The following NEGR1 variants were observed in gnomAD, a reference collection of about 807,000 sequenced individuals.
NEGR1 encodes neuronal growth regulator 1, also known as IgLON family member 4.
A neutral mutation model predicts 40.9 loss-of-function variants in NEGR1; 10 were observed. The ratio of observed to expected loss-of-function variants is 0.24; its 90% CI spans 0.15 to 0.42. NEGR1 has a LOEUF of 0.42. Among genes scored for constraint, NEGR1 ranks in the 10% least tolerant of loss-of-function variants. NEGR1 has a pLI of 1.00. For missense variants in NEGR1, 352 were observed against 438.9 expected, an observed-to-expected ratio of 0.80 and a Z score of 1.77; for synonymous variants, 185 against 166.8, an observed-to-expected ratio of 1.11 and a Z score of -0.84.
At chr1:71,821,450 G>T (rs1253760172) in intron 2 of NEGR1, among the ~76,000 whole-genome samples, 4 of 151,878 alleles carry the variant, frequency 2.6e-5, no homozygotes, top group African/African-American at 2.4e-5. Flanking sequence ...TGTCCTAGCG[G>T]GTATTTGCAT....
At chr1:71,695,208 T>C (rs1486554049) in intron 4 of NEGR1, among the ~76,000 whole-genome samples, 1 of 151,818 alleles carries the variant, frequency 6.6e-6, no homozygotes, top group African/African-American at 2.4e-5. Flanking sequence ...ATATCAGTTA[T>C]ATATGTGTGG....
rs528504220 is a variant in NEGR1 at position 71,415,630 on chromosome 1, C to T, written c.941-8060G>A. On this transcript the variant is annotated intron_variant, in intron 6 of 6. Transcript: ENST00000357731. ...CAATCATCCAAATATAAACAAATAC[C>T]GCTATCTTTTATTATCCTTCCTAGT... 7.9e-5 allele frequency among the ~76,000 whole-genome samples: 12 copies of T among 152,116 alleles called. 1 individual carries two copies. In the South Asian group the frequency reaches 1.9e-3, roughly 24 times the overall value.
At chr1:71,895,774 G>T (rs1660953990) in intron 2 of NEGR1, among the ~76,000 whole-genome samples, 2 of 152,058 alleles carry the variant, frequency 1.3e-5, no homozygotes, top group Admixed American at 1.3e-4. Context: ...ACAACTTTTT[G>T]TGTGAACATA....
intron 1 of NEGR1, among the ~76,000 whole-genome samples, chr1:72,019,264 T>A (rs1646736874): frequency 1.3e-5 from 2 of 152,194 alleles, no homozygotes; most frequent in Admixed American, 1.3e-4. Flanking sequence ...AATAGTCTAT[T>A]CAGAGTTCTG....
intron 1 of NEGR1, among the ~76,000 whole-genome samples, chr1:72,280,264 G>A (rs1018098238): frequency 6.6e-6 from 1 of 152,148 alleles, no homozygotes; most frequent in Non-Finnish European, 1.5e-5. Flanking sequence ...GCAGAATGTG[G>A]GTCCAGCTAT....
chr1:71,919,058 T>C (rs1193446288), intron 2 of NEGR1, among the ~76,000 whole-genome samples: 3 of 152,174 alleles, frequency 2.0e-5, no homozygotes, highest in African/African-American at 4.8e-5. Context: ...GTGCTCACAT[T>C]CACAAGTTGA....
intron 3 of NEGR1, among the ~76,000 whole-genome samples, chr1:71,724,970 AG>A (rs1654625604): frequency 6.6e-6 from 1 of 152,076 alleles, no homozygotes; most frequent in African/African-American, 2.4e-5. Context: ...ACTCTCTCAA[AG>A]CAGTAAGGTG....
rs1316157857 is a variant in NEGR1, at chr1:71,399,384, G to T, written c.*8062C>A. On this transcript the variant is annotated 3_prime_UTR_variant, in exon 7 of 7. Coordinates refer to ENST00000357731, the MANE Select transcript of NEGR1 (RefSeq NM_173808.3). ...TATCAACAAGAAAAATGTATTACAAGAAATTAATTTATTCCAAATTTTTTT... is the reference window on the plus strand; with the variant it reads ...TATCAACAAGAAAAATGTATTACAATAAATTAATTTATTCCAAATTTTTTT... 2.6e-5 allele frequency: 4 copies of T among 151,884 alleles called. No homozygotes were observed. The highest frequency in any genetic ancestry group is 7.3e-5 in the African/African-American group (3 of 41,374). The allele number at this position is 151,884 out of a possible 1,614,324, so 9.4% of individuals were successfully genotyped here. A position where few individuals can be genotyped will look rare whatever the true frequency, so the allele number is the denominator to read the frequency against.
At chr1:72,047,387 A>G (rs549288794) in intron 1 of NEGR1, among the ~76,000 whole-genome samples, 1 of 151,706 alleles carries the variant, frequency 6.6e-6, no homozygotes, top group Middle Eastern at 3.4e-3. Context: ...TTTAATGAGT[A>G]ACTATGCTAG....
intron 6 of NEGR1, among the ~76,000 whole-genome samples, chr1:71,473,999 G>A (rs1211779711): frequency 6.6e-6 from 1 of 151,920 alleles, no homozygotes; most frequent in African/African-American, 2.4e-5. Flanking sequence ...CATTAATAAA[G>A]TTTGGCACTG....
intron 2 of NEGR1, among the ~76,000 whole-genome samples, chr1:71,816,859 C>A (rs545844072): frequency 3.3e-5 from 5 of 152,042 alleles, no homozygotes; most frequent in South Asian, 4.1e-4. Flanking sequence ...TGTATTACAT[C>A]CCTTATGGCC....
chr1:72,143,114 T>G (rs1246798205), intron 1 of NEGR1, among the ~76,000 whole-genome samples: 1 of 151,958 alleles, frequency 6.6e-6, no homozygotes, highest in Non-Finnish European at 1.5e-5. Flanking sequence ...ATAAATTATT[T>G]CTCTGTTTTG....
At chr1:71,829,204 G>GT (rs1223690041) in intron 2 of NEGR1, among the ~76,000 whole-genome samples, 2 of 151,638 alleles carry the variant, frequency 1.3e-5, no homozygotes, top group East Asian at 2.0e-4. Context: ...AATCCTCAAC[G>GT]TTTTTTGTTG....
intron 1 of NEGR1, among the ~76,000 whole-genome samples, chr1:72,230,246 C>T (rs1195753471): frequency 1.3e-5 from 2 of 152,148 alleles, no homozygotes; most frequent in African/African-American, 4.8e-5. Flanking sequence ...TAAGTTAGTA[C>T]ATTCTCCTTC....
chr1:71,638,311 A>G (rs995881584), intron 4 of NEGR1, among the ~76,000 whole-genome samples: 1 of 152,046 alleles, frequency 6.6e-6, no homozygotes, highest in Admixed American at 6.6e-5. Flanking sequence ...GCAGCATGTC[A>G]TAGTTTTGGA....
At chr1:71,895,401 A>G (rs1269850333) in intron 2 of NEGR1, among the ~76,000 whole-genome samples, 1 of 152,190 alleles carries the variant, frequency 6.6e-6, no homozygotes, top group African/African-American at 2.4e-5. Flanking sequence ...TGTAAGCATC[A>G]TATTTTCATC....
intron 1 of NEGR1, among the ~76,000 whole-genome samples, chr1:72,112,671 G>A (rs528318212): frequency 7.1e-6 from 1 of 140,274 alleles, no homozygotes; most frequent in African/African-American, 2.5e-5. Context: ...AATTTCCCTA[G>A]ACTGGAGGGA....
chr1:71,993,939 C>G (rs1239141485), intron 1 of NEGR1, among the ~76,000 whole-genome samples: 1 of 152,026 alleles, frequency 6.6e-6, no homozygotes, highest in Non-Finnish European at 1.5e-5. Context: ...AACCAGGGCC[C>G]CAGGAATAAC....
rs186109223 is a variant in NEGR1, at chr1:71,943,148, T to C, written c.177-7837A>G. Among the ~76,000 whole-genome samples, 531 of 143,314 alleles carry C rather than the reference T, an allele frequency of 3.7e-3. 5 individuals carry two copies. Among genetic ancestry groups the C allele is most frequent in the Middle Eastern group, 8.1e-3 (2 of 248 alleles). The allele number at this position is 143,314 out of a possible 152,430, so 94.0% of individuals were successfully genotyped here. A position where few individuals can be genotyped will look rare whatever the true frequency, so the allele number is the denominator to read the frequency against. On this transcript the variant is annotated intron_variant, in intron 1 of 6. Coordinates refer to ENST00000357731, the MANE Select transcript of NEGR1 (RefSeq NM_173808.3). ...ATATGTGTATGTGTGTGTATATATA[T>C]ATAAAACAAACTTAACTATACATAT...
Sources: allele counts gnomAD v4.1 joint callset (sites outside exome capture counted in the v4.1 genomes callset), GRCh38; gene constraint gnomAD v4.1.1; transcripts MANE v1.5; gene names NCBI Gene and HGNC (gene_info 2026-07-23, HGNC 2026-07-21).